Variants in DACH2 observed in about 807,000 individuals in gnomAD.
DACH2 encodes the protein dachshund family transcription factor 2.
DACH2 carries 17 observed loss-of-function variants against 35.8 expected under a neutral mutation model. The observed-to-expected ratio is 0.48, with a 90% CI of 0.33 to 0.71. The LOEUF (loss-of-function observed/expected upper bound fraction) is 0.71, where lower values mean the gene tolerates loss of function less well. DACH2 is among the 30% of genes least tolerant of loss of function. The pLI, the probability that DACH2 is intolerant of heterozygous loss-of-function variation, is 0.02. For synonymous variants in DACH2, 195 were observed against 177.3 expected (o/e 1.10, Z -0.79); for missense variants, 469 against 472.7 (o/e 0.99, Z 0.07).
chrX:86,664,018 G>A (rs1441815530), intron 4 of DACH2, among the ~76,000 whole-genome samples: 1 of 111,855 alleles, frequency 8.9e-6, no homozygotes, highest in Admixed American at 9.6e-5. Flanking sequence ...GATGGTCAGG[G>A]TTTATATTTT....
chrX:86,628,746 A>G (rs1411487031), intron 3 of DACH2, among the ~76,000 whole-genome samples: 5 of 111,873 alleles, frequency 4.5e-5, no homozygotes, highest in Non-Finnish European at 9.4e-5. Context: ...ACTATTCTGA[A>G]GAGTGGAGAA....
At chrX:86,430,937 G>A (rs2036975797) in intron 2 of DACH2, among the ~76,000 whole-genome samples, 2 of 111,915 alleles carry the variant, frequency 1.8e-5, no homozygotes, top group Non-Finnish European at 3.8e-5. Context: ...ACCTTAGCTT[G>A]TAGTCCTATT....
chrX:86,549,935 G>T (rs958198738), intron 3 of DACH2, among the ~76,000 whole-genome samples: 5 of 111,509 alleles, frequency 4.5e-5, no homozygotes, highest in African/African-American at 1.6e-4. Context: ...TACTCATAAT[G>T]TAAATAGTCC....
At chrX:86,665,710 C>T (rs1233637618) in intron 4 of DACH2, among the ~76,000 whole-genome samples, 5 of 110,497 alleles carry the variant, frequency 4.5e-5, no homozygotes, top group Non-Finnish European at 7.6e-5. Flanking sequence ...AAAAGTCTGT[C>T]CAGATAGATT....
At chrX:86,629,913 TACC>T (rs2040180920) in intron 3 of DACH2, among the ~76,000 whole-genome samples, 1 of 110,829 alleles carries the variant, frequency 9.0e-6, no homozygotes, top group African/African-American at 3.3e-5. Context: ...AAAAATAAAT[TACC>T]AACAGACAAG....
chrX:86,823,417 T>G (rs1480445099), intron 11 of DACH2, among the ~76,000 whole-genome samples: 5 of 112,258 alleles, frequency 4.5e-5, no homozygotes, highest in African/African-American at 1.6e-4. Context: ...GCCCCTAACC[T>G]CTTGACCCTT....
chrX:86,221,743 A>G (rs773959373), intron 1 of DACH2, among the ~76,000 whole-genome samples: 47 of 112,274 alleles, frequency 4.2e-4, no homozygotes, highest in African/African-American at 1.5e-3. Context: ...AGCCAGGCGC[A>G]TTAGTTTGCT....
At chrX:86,266,173 C>A (rs752469797) in intron 1 of DACH2, among the ~76,000 whole-genome samples, 40 of 111,259 alleles carry the variant, frequency 3.6e-4, no homozygotes, top group Admixed American at 2.1e-3. Context: ...GGGCCCCACC[C>A]CCTAAGTTTC....
rs950497562 is a variant in DACH2 at position 86,832,337 on chromosome X, CTT to C, written c.*184_*185del. ...TACATTTTAAAAGCAATGATGTAAA[CTT>C]TGTTCTTGCATTAGACTGACCAGTT... On this transcript the variant is annotated 3_prime_UTR_variant, in exon 12 of 12. Transcript: ENST00000373125. The C allele has an allele frequency of 2.6e-5, 11 of 421,099 alleles. No homozygotes were observed. The highest frequency in any genetic ancestry group is 2.3e-4 in the African/African-American group (9 of 39,190). The allele number at this position is 421,099 out of a possible 1,213,427, so 34.7% of individuals were successfully genotyped here. A position where few individuals can be genotyped will look rare whatever the true frequency, so the allele number is the denominator to read the frequency against.
intron 1 of DACH2, among the ~76,000 whole-genome samples, chrX:86,319,890 A>G (rs1018473741): frequency 2.2e-4 from 25 of 111,813 alleles, no homozygotes; most frequent in African/African-American, 7.5e-4. Flanking sequence ...TCCAGTAGTT[A>G]TAAGATTTTT....
At chrX:86,331,273 A>C (rs1207369411) in intron 1 of DACH2, among the ~76,000 whole-genome samples, 1 of 110,895 alleles carries the variant, frequency 9.0e-6, no homozygotes, top group East Asian at 2.8e-4. Flanking sequence ...GGCGTCAGTA[A>C]ATGCAGGTTC....
intron 3 of DACH2, among the ~76,000 whole-genome samples, chrX:86,649,788 A>G (rs2040457130): frequency 9.0e-6 from 1 of 111,351 alleles, no homozygotes; most frequent in Non-Finnish European, 1.9e-5. Flanking sequence ...CTCAGCTTAC[A>G]TATTTGATAA....
intron 3 of DACH2, among the ~76,000 whole-genome samples, chrX:86,626,372 C>T (rs997365054): frequency 2.7e-5 from 3 of 112,769 alleles, no homozygotes; most frequent in African/African-American, 9.7e-5. Flanking sequence ...CCACTCCTGG[C>T]TACTTTCATG....
At chrX:86,331,463 A>AAAACAAAC (rs755635542) in intron 1 of DACH2, among the ~76,000 whole-genome samples, 1 of 110,526 alleles carries the variant, frequency 9.0e-6, no homozygotes, top group African/African-American at 3.3e-5. Flanking sequence ...CCTGGAAGAT[A>AAAACAAAC]AAACAAACAA....
intron 6 of DACH2, among the ~76,000 whole-genome samples, chrX:86,719,932 C>CTTTTTTTTTTTTTTT (rs57079697): frequency 1.3e-5 from 1 of 75,589 alleles, no homozygotes. Context: ...TTTCTTTTTT[C>CTTTTTTTTTTTTTTT]TTTTTTTTTT....
chrX:86,364,995 C>G (rs1014733115), intron 1 of DACH2, among the ~76,000 whole-genome samples: 1 of 111,252 alleles, frequency 9.0e-6, no homozygotes, highest in African/African-American at 3.3e-5. Context: ...CAGATAGCTT[C>G]TGAAAAGGTA....
chrX:86,640,273 C>T (rs937561989), intron 3 of DACH2, among the ~76,000 whole-genome samples: 57 of 111,347 alleles, frequency 5.1e-4, no homozygotes, highest in African/African-American at 1.8e-3. Context: ...CTCTCTGCCA[C>T]TGCCTCTGCT....
At chrX:86,569,385 C>G (rs989084054) in intron 3 of DACH2, among the ~76,000 whole-genome samples, 1 of 111,188 alleles carries the variant, frequency 9.0e-6, no homozygotes, top group Non-Finnish European at 1.9e-5. Flanking sequence ...CCATGCTTAA[C>G]CTTTAAGTTC....
intron 2 of DACH2, among the ~76,000 whole-genome samples, chrX:86,462,954 C>T (rs1312549514): frequency 9.0e-6 from 1 of 111,284 alleles, no homozygotes. Context: ...GATAAAGATC[C>T]TATTTTATTT....
Sources: gnomAD v4.1 joint callset for allele counts (sites outside exome capture counted in the v4.1 genomes callset) on GRCh38, gnomAD v4.1.1 for gene constraint, MANE v1.5 for transcripts, NCBI Gene and HGNC (gene_info 2026-07-23, HGNC 2026-07-21) for gene names.